Variants in GPR89A observed in about 807,000 individuals in gnomAD.
The protein encoded by GPR89A is G protein-coupled receptor 89A.
A neutral mutation model predicts 52.0 loss-of-function variants in GPR89A; 16 were observed. That is an observed-to-expected ratio of 0.31 (90% CI 0.21 to 0.47). The LOEUF is 0.47. Ranked by LOEUF, GPR89A falls within the 20% of genes least tolerant of loss-of-function variation. The pLI is 1.00. For synonymous variants in GPR89A, 55 were observed against 150.9 expected, an observed-to-expected ratio of 0.36 and a Z score of 4.66; for missense variants, 135 against 449.4, an observed-to-expected ratio of 0.30 and a Z score of 6.33.
intron 10 of GPR89A, among the ~76,000 whole-genome samples, chr1:145,657,898 T>C (rs1307021113): frequency 3.3e-5 from 5 of 151,106 alleles, no homozygotes; most frequent in Non-Finnish European, 7.4e-5. Flanking sequence ...ACTCATTTAG[T>C]GTATGATGCA....
intron 4 of GPR89A, among the ~76,000 whole-genome samples, chr1:145,623,402 A>G (rs1293878412): frequency 6.6e-6 from 1 of 152,128 alleles, no homozygotes; most frequent in East Asian, 1.9e-4. Context: ...CCTATTAATA[A>G]TGTCTCCTTT....
At chr1:145,621,774 G>A (rs1284673751) in intron 3 of GPR89A, among the ~76,000 whole-genome samples, 1 of 151,804 alleles carries the variant, frequency 6.6e-6, no homozygotes, top group African/African-American at 2.4e-5. Context: ...ATCTGAATAG[G>A]CATTTCTCCA....
At position 145,623,248 on chromosome 1, in the gene GPR89A, A is replaced by C. The variant is rs1571479483; in HGVS notation, c.313+88A>C. ...TGTGGATAGCTTCATTTCTACATTA[A>C]CTTTCAGTATCTACCGCTATTTGAG... On this transcript the variant is annotated intron_variant, in intron 4 of 13. Coordinates refer to ENST00000313835, the MANE Select transcript of GPR89A (RefSeq NM_001097612.2). The C allele has an allele frequency of 2.9e-6, 3 of 1,022,588 alleles. No individual in the cohort carries two copies. The East Asian group carries it at 7.5e-5, about 26-fold the overall frequency. The allele number at this position is 1,022,588 out of a possible 1,614,324, so 63.3% of individuals were successfully genotyped here.
chr1:145,626,805 C>T (rs1649528302), intron 5 of GPR89A, among the ~76,000 whole-genome samples: 2 of 151,684 alleles, frequency 1.3e-5, no homozygotes, highest in Admixed American at 1.3e-4. Flanking sequence ...GAAAAATTAG[C>T]CAGGCATGGT....
intron 2 of GPR89A, among the ~76,000 whole-genome samples, chr1:145,616,966 T>A (rs1553687154): frequency 2.0e-5 from 3 of 152,190 alleles, no homozygotes; most frequent in Non-Finnish European, 4.4e-5. Flanking sequence ...GAATTACTGA[T>A]GAGGGTCTGT....
At chr1:145,627,543 T>G (rs587661071) in intron 5 of GPR89A, among the ~76,000 whole-genome samples, 71 of 152,334 alleles carry the variant, frequency 4.7e-4, no homozygotes, top group African/African-American at 1.7e-3. Flanking sequence ...TATTCGTTCA[T>G]TCAGCATTAC....
At chr1:145,620,351 G>A (rs1649056041) in intron 3 of GPR89A, among the ~76,000 whole-genome samples, 1 of 152,152 alleles carries the variant, frequency 6.6e-6, no homozygotes, top group African/African-American at 2.4e-5. Context: ...AGGTGGCTGT[G>A]AGGCCATAGT....
chr1:145,622,984 G>A (rs1221065279), intron 3 of GPR89A, 70 bp from the exon 4 acceptor site: 19 of 1,597,072 alleles, frequency 1.2e-5, no homozygotes, highest in Middle Eastern at 1.7e-4. Context: ...AGGACCCTTT[G>A]GAAGACTAAA....
At chr1:145,658,934 C>T (rs187112032) in intron 10 of GPR89A, among the ~76,000 whole-genome samples, 10 of 152,056 alleles carry the variant, frequency 6.6e-5, no homozygotes, top group East Asian at 3.9e-4. Context: ...CGTACCACCA[C>T]GCCTGGCTGA....
Position 145,663,694 on chromosome 1 carries a change from C to A in GPR89A, c.1005+270C>A, listed in dbSNP as rs189179971. Among the ~76,000 whole-genome samples, 14 of 152,312 alleles carry A rather than the reference C, an allele frequency of 9.2e-5. No homozygotes were observed. The East Asian group carries it at 2.7e-3, about 29-fold the overall frequency. ...TTGTCATGGATGCTGATTATTTCTA[C>A]AGCTGCTCCTCTGCTTCTCTATAGG... On this transcript the variant is annotated intron_variant, in intron 11 of 13. Coordinates refer to ENST00000313835, the MANE Select transcript of GPR89A (RefSeq NM_001097612.2).
intron 10 of GPR89A, among the ~76,000 whole-genome samples, chr1:145,662,651 G>A (rs1392087456): frequency 1.8e-4 from 28 of 152,064 alleles, no homozygotes; most frequent in African/African-American, 5.6e-4. Flanking sequence ...TTATTGGAAC[G>A]CAGCCAAGTC....
At chr1:145,617,603 A>G (rs587707250) in intron 2 of GPR89A, among the ~76,000 whole-genome samples, 1 of 152,264 alleles carries the variant, frequency 6.6e-6, no homozygotes, top group Non-Finnish European at 1.5e-5. Flanking sequence ...CAGGTGTAAG[A>G]AATTATAAAA....
intron 1 of GPR89A, among the ~76,000 whole-genome samples, chr1:145,613,869 G>T (rs1287527440): frequency 1.3e-5 from 2 of 151,630 alleles, no homozygotes; most frequent in African/African-American, 2.4e-5. Flanking sequence ...TCACTATAAC[G>T]TCTACCTGCC....
intron 10 of GPR89A, among the ~76,000 whole-genome samples, chr1:145,648,434 A>G (rs1651194290): frequency 6.6e-6 from 1 of 151,802 alleles, no homozygotes; most frequent in Non-Finnish European, 1.5e-5. Context: ...ATGTTCAGTT[A>G]GCAAAGCTAC....
intron 7 of GPR89A, among the ~76,000 whole-genome samples, chr1:145,636,519 C>T (rs1553690790): frequency 2.0e-5 from 3 of 151,104 alleles, no homozygotes; most frequent in Non-Finnish European, 4.4e-5. Context: ...AGGCATACGT[C>T]TTCCTGTTTG....
chr1:145,649,937 C>T (rs1553693274), intron 10 of GPR89A, among the ~76,000 whole-genome samples: 1 of 149,938 alleles, frequency 6.7e-6, no homozygotes, highest in African/African-American at 2.5e-5. Flanking sequence ...TTTTTCCCAC[C>T]CATATTTTTT....
chr1:145,665,453 G>GT (rs1449591671), intron 11 of GPR89A, 109 bp from the exon 12 acceptor site: 2 of 1,460,120 alleles, frequency 1.4e-6, no homozygotes, highest in Non-Finnish European at 1.9e-6. Context: ...ATCAGGTAGG[G>GT]TCTAATAAAG....
intron 1 of GPR89A, among the ~76,000 whole-genome samples, chr1:145,614,937 T>TAA (rs1648561885): frequency 6.6e-6 from 1 of 152,072 alleles, no homozygotes; most frequent in East Asian, 1.9e-4. Flanking sequence ...GATAAGAAGC[T>TAA]AAAGTAGTCT....
intron 10 of GPR89A, among the ~76,000 whole-genome samples, chr1:145,654,087 G>A (rs1651644862): frequency 6.6e-6 from 1 of 152,176 alleles, no homozygotes; most frequent in Non-Finnish European, 1.5e-5. Context: ...GTGTGTTTTT[G>A]TAGTGGCTGG....
Sources: allele counts gnomAD v4.1 joint callset (sites outside exome capture counted in the v4.1 genomes callset), GRCh38; gene constraint gnomAD v4.1.1; transcripts MANE v1.5; gene names NCBI Gene and HGNC (gene_info 2026-07-23, HGNC 2026-07-21).